The following PARP4 variants were observed in gnomAD, a reference collection of about 807,000 sequenced individuals.
PARP4 encodes the protein protein mono-ADP-ribosyltransferase PARP4.
A neutral mutation model predicts 187.7 loss-of-function variants in PARP4; 120 were observed. The observed-to-expected ratio is 0.64, with a 90% confidence interval of 0.55 to 0.74. PARP4 has a LOEUF of 0.74. PARP4 is among the 30% of genes least tolerant of loss of function. The pLI, the probability that PARP4 is intolerant of heterozygous loss-of-function variation, is 0.00. For missense variants in PARP4, 1,836 were observed against 2,070.5 expected (o/e 0.89, Z 2.20); for synonymous variants, 654 against 740.9 (o/e 0.88, Z 1.90).
rs1007801732 is a variant in PARP4 at position 24,459,876 on chromosome 13, C to T, written c.2298+96G>A. ...ACTTTATGCCTAAAAGATTATTTTA[C>T]ATGTTTTTCTCCCCAGGCATAAATT... is the stretch of plus-strand genomic sequence containing the variant. On this transcript the variant is annotated intron_variant, in intron 18 of 33. Coordinates refer to ENST00000381989, the MANE Select transcript of PARP4 (RefSeq NM_006437.4). 31 of 941,600 alleles carry T rather than the reference C, an allele frequency of 3.3e-5. No homozygotes were observed. In the South Asian group the frequency reaches 5.9e-4, roughly 18 times the overall value. 58.3% of individuals were successfully genotyped at this position (941,600 alleles called of 1,614,324 possible).
intron 24 of PARP4, chr13:24,451,896 G>C (rs530599759): frequency 6.5e-6 from 1 of 153,410 alleles, no homozygotes; most frequent in Admixed American, 6.5e-5. Context: ...GTTTGAAAAT[G>C]CAAGTGCTCA....
Position 24,452,300 on chromosome 13 carries a change from C to T in PARP4, c.3014+106G>A, listed in dbSNP as rs187484737. 3 of 888,064 alleles carry T rather than the reference C, an allele frequency of 3.4e-6. No homozygotes were observed. The East Asian group carries it at 7.5e-5, about 22-fold the overall frequency. 55.0% of individuals were successfully genotyped at this position (888,064 alleles called of 1,614,324 possible). A position where few individuals can be genotyped will look rare whatever the true frequency, so the allele number is the denominator to read the frequency against. ...AGCCCCATCCCTCTATGCTGTAAGG[C>T]TTCTGTATTCTAGTGTCAACTTCCA... is the stretch of plus-strand genomic sequence containing the variant. On this transcript the variant is annotated intron_variant, in intron 24 of 33. Transcript: ENST00000381989.
At chr13:24,429,596 T>G (rs1316620024) in intron 32 of PARP4, among the ~76,000 whole-genome samples, 1 of 152,196 alleles carries the variant, frequency 6.6e-6, no homozygotes, top group Non-Finnish European at 1.5e-5. Context: ...TTTTATGGTT[T>G]CAATGGAAAG....
intron 15 of PARP4, among the ~76,000 whole-genome samples, chr13:24,471,791 G>A (rs143985101): frequency 1.4e-3 from 206 of 152,254 alleles, no homozygotes; most frequent in African/African-American, 4.8e-3. Context: ...GAGGACACAC[G>A]CCTCTCCCTG....
intron 22 of PARP4, among the ~76,000 whole-genome samples, chr13:24,454,350 G>A (rs889217328): frequency 1.3e-5 from 2 of 152,204 alleles, no homozygotes; most frequent in African/African-American, 4.8e-5. Flanking sequence ...TACCTCTGGG[G>A]AAAAGGGGCT....
chr13:24,510,571 A>AAAAAAAAAAAAT (rs1869961212), intron 1 of PARP4, among the ~76,000 whole-genome samples: 1 of 150,188 alleles, frequency 6.7e-6, no homozygotes, highest in Non-Finnish European at 1.5e-5. Flanking sequence ...AAAAAAAAAA[A>AAAAAAAAAAAAT]GTGTTCACTA....
chr13:24,439,610 C>T (rs1244782386), intron 30 of PARP4, among the ~76,000 whole-genome samples: 1 of 152,100 alleles, frequency 6.6e-6, no homozygotes, highest in Non-Finnish European at 1.5e-5. Flanking sequence ...AGTTTAGTGG[C>T]ACGAGGTACA....
chr13:24,452,646 T>C (rs1326939947), intron 23 of PARP4, 53 bp from the exon 24 acceptor site: 2 of 1,434,486 alleles, frequency 1.4e-6, no homozygotes, highest in Non-Finnish European at 1.9e-6. Flanking sequence ...GCAGTCACCA[T>C]TTGCTGTCAT....
chr13:24,453,533 C>T (rs984848180), intron 23 of PARP4, 54 bp downstream of exon 23: 1 of 1,148,542 alleles, frequency 8.7e-7, no homozygotes. Flanking sequence ...TGGAGGTCCC[C>T]TTAAAGCATG....
intron 4 of PARP4, among the ~76,000 whole-genome samples, chr13:24,500,047 T>TA (rs1555240648): frequency 2.7e-5 from 4 of 150,698 alleles, no homozygotes; most frequent in East Asian, 1.9e-4. Context: ...GGTTTTTTTT[T>TA]AAAAGAATTA....
rs748416939 is a variant in PARP4, at chr13:24,435,090, C to A, written c.4051G>T (p.Gly1351Cys). ...AACTGTCTGGGAGGAGCAGCTGAAC[C>A]GAAACTAGCTACCTGACGATATGAG... The part of the protein sequence containing the change: ...FASYRQVASF[G>C]SAAPPRQFDA... The change falls in exon 31 of 34, where the codon GGT becomes TGT. Residue 1351 changes from glycine to cysteine, a missense_variant. By Grantham distance (159) the Gly-to-Cys change is radical (BLOSUM62 -3). Coordinates refer to ENST00000381989, the MANE Select transcript of PARP4 (RefSeq NM_006437.4). 2 of 1,614,080 alleles carry A rather than the reference C, an allele frequency of 1.2e-6. No individual in the cohort carries two copies. The highest frequency in any genetic ancestry group is 1.7e-6 in the Non-Finnish European group (2 of 1,180,026).
At chr13:24,455,892 G>C (rs1871818614) in intron 21 of PARP4, among the ~76,000 whole-genome samples, 1 of 151,690 alleles carries the variant, frequency 6.6e-6, no homozygotes, top group Admixed American at 6.6e-5. Flanking sequence ...CAAAGTGCTG[G>C]GATTACAGGT....
chr13:24,480,220 G>GT (rs1392665979), intron 12 of PARP4, among the ~76,000 whole-genome samples: 7 of 152,180 alleles, frequency 4.6e-5, no homozygotes, highest in Admixed American at 6.5e-5. Flanking sequence ...GCAACAATCT[G>GT]TGCCCATACA....
Position 24,435,124 on chromosome 13 carries a change from C to T in PARP4, c.4017G>A (p.Leu1339=). The T allele has an allele frequency of 1.9e-6, 3 of 1,614,158 alleles. No individual in the cohort carries two copies. The highest frequency in any genetic ancestry group is 2.5e-6 in the Non-Finnish European group (3 of 1,180,036). The change falls in exon 31 of 34, where the codon TTG becomes TTA. Residue 1339 remains leucine, a synonymous_variant. Coordinates refer to ENST00000381989, the MANE Select transcript of PARP4 (RefSeq NM_006437.4). ...CTACCTGACGATATGAGGCAAAAGA[C>T]AAGGAAGCAGGACTGTGAGCGCGGG... The part of the protein sequence containing the change: ...PTARAHSPAS[L]SFASYRQVAS...
At chr13:24,444,706 T>A (rs914752849) in intron 27 of PARP4, among the ~76,000 whole-genome samples, 2 of 152,178 alleles carry the variant, frequency 1.3e-5, no homozygotes, top group African/African-American at 4.8e-5. Flanking sequence ...AAAAGAGACT[T>A]CTTTGGCATA....
rs775082524 is a variant in PARP4, at chr13:24,477,753, A to G, written c.1737T>C (p.His579=). 4 of 1,591,658 alleles carry G rather than the reference A, an allele frequency of 2.5e-6. No homozygotes were observed. The African/African-American group carries it at 5.4e-5, about 21-fold the overall frequency. ...CAGGTCTGTATTCCTCTAATTCAGT[A>G]TGATCACTAGGATGAAAGTCCTTTA... ...DQIKDFHPSD[H]TELEEYRPEF... is the part of the protein sequence containing the mutation. Residue 579 remains histidine (H), a synonymous_variant, in exon 14 of 34, where the codon CAT becomes CAC. Coordinates refer to ENST00000381989, the MANE Select transcript of PARP4 (RefSeq NM_006437.4).
At chr13:24,446,395 G>A (rs1871208870) in intron 27 of PARP4, among the ~76,000 whole-genome samples, 1 of 152,168 alleles carries the variant, frequency 6.6e-6, no homozygotes, top group South Asian at 2.1e-4. Context: ...AGTACAGACA[G>A]CAGGGGTATC....
rs1208625587 is a variant in PARP4, at chr13:24,434,602, A to G, written c.4539T>C (p.Cys1513=). ...CAGAACTTTGAAAAGCAAAGACAGG[A>G]CATCGACTTCCTTCGAGACTGCCTA... The part of the protein sequence containing the change: ...ESVGSLEGSR[C]PVFAFQSSDT... Residue 1513 remains cysteine (C), a synonymous_variant, in exon 31 of 34, where the codon TGT becomes TGC. Transcript: ENST00000381989. The G allele has an allele frequency of 6.2e-7, 1 of 1,612,262 alleles. No individual in the cohort carries two copies. Among genetic ancestry groups the G allele is most frequent in the East Asian group, 2.2e-5 (1 of 44,818 alleles).
intron 1 of PARP4, among the ~76,000 whole-genome samples, chr13:24,505,705 T>G (rs2137551119): frequency 6.6e-6 from 1 of 152,346 alleles, no homozygotes. Context: ...ATATTTTTCA[T>G]TTTTAGTAAA....
Sources: gnomAD v4.1 joint callset for allele counts (sites outside exome capture counted in the v4.1 genomes callset) on GRCh38, gnomAD v4.1.1 for gene constraint, MANE v1.5 for transcripts, NCBI Gene and HGNC (gene_info 2026-07-23, HGNC 2026-07-21) for gene names.